Variants in CEP192 observed in about 807,000 individuals in gnomAD.
CEP192 encodes the protein centrosomal protein of 192 kDa.
CEP192 carries 151 observed loss-of-function variants against 271.8 expected under a neutral mutation model. That is an observed-to-expected ratio of 0.56 (90% CI 0.49 to 0.64). CEP192 has a LOEUF of 0.64. Among genes scored for constraint, CEP192 ranks in the 30% least tolerant of loss-of-function variants. The pLI, the probability that CEP192 is intolerant of heterozygous loss-of-function variation, is 0.00. For missense variants in CEP192, 2,910 were observed against 3,020.5 expected, an observed-to-expected ratio of 0.96 and a Z score of 0.86; for synonymous variants, 995 against 1,076.5, an observed-to-expected ratio of 0.92 and a Z score of 1.48.
intron 1 of CEP192, among the ~76,000 whole-genome samples, chr18:12,999,075 A>G (rs2033442537): frequency 6.6e-6 from 1 of 152,186 alleles, no homozygotes; most frequent in Admixed American, 6.5e-5. Flanking sequence ...TCATTTGTAT[A>G]TACCATCAGT....
chr18:13,087,297 T>A lies in CEP192; in HGVS notation c.5877+20T>A. ...CAAGAAGTAAGTACAAAAGTTTCTG[T>A]GCTAAAAACATCAACTCATTTTAAA... On this transcript the variant is annotated intron_variant, in intron 31 of 44. Coordinates refer to ENST00000506447, the MANE Select transcript of CEP192 (RefSeq NM_032142.4). 1 of 1,560,840 alleles carries A rather than the reference T, an allele frequency of 6.4e-7. No homozygotes were observed. Among genetic ancestry groups the A allele is most frequent in the South Asian group, 1.2e-5 (1 of 84,904 alleles).
At chr18:13,074,075 T>A (rs2038147482) in intron 30 of CEP192, among the ~76,000 whole-genome samples, 1 of 152,068 alleles carries the variant, frequency 6.6e-6, no homozygotes, top group East Asian at 1.9e-4. Context: ...AAACTCCAGC[T>A]ACATGGTTGT....
intron 2 of CEP192, among the ~76,000 whole-genome samples, chr18:12,999,822 C>A (rs9949682): frequency 2.0e-5 from 3 of 147,448 alleles, no homozygotes; most frequent in Non-Finnish European, 4.5e-5. Context: ...TTACCTATTT[C>A]GGTCTATTTT....
intron 42 of CEP192, among the ~76,000 whole-genome samples, chr18:13,115,574 G>A (rs2040392297): frequency 6.6e-6 from 1 of 151,906 alleles, no homozygotes; most frequent in South Asian, 2.1e-4. Context: ...AGGTGAGGAG[G>A]GGCTATTTTA....
At chr18:12,994,779 C>T (rs28551661) in intron 1 of CEP192, among the ~76,000 whole-genome samples, 55,250 of 151,868 alleles carry the variant, frequency 0.36, 10,293 homozygotes, top group Middle Eastern at 0.47. Context: ...TGTTTTCTAA[C>T]AATAGTTGTT....
intron 18 of CEP192, among the ~76,000 whole-genome samples, chr18:13,053,514 T>C (rs2036915215): frequency 1.3e-5 from 2 of 152,072 alleles, no homozygotes; most frequent in African/African-American, 4.8e-5. Context: ...AGTTGTAAGA[T>C]ACAAACTGCA....
chr18:13,018,683 A>G, intron 8 of CEP192, 68 bp downstream of exon 8: 1 of 1,105,442 alleles, frequency 9.0e-7, no homozygotes, highest in East Asian at 2.7e-5. Flanking sequence ...TTAAAAAAAA[A>G]ATATTTCTCT....
rs764300768 is a variant in CEP192 at position 13,114,250 on chromosome 18, G to A, written c.7288G>A (p.Glu2430Lys). 61 of 1,610,358 alleles carry A rather than the reference G, an allele frequency of 3.8e-5. No homozygotes were observed. Among genetic ancestry groups the A allele is most frequent in the Non-Finnish European group, 4.9e-5 (58 of 1,179,154 alleles). Residue 2430 changes from glutamate to lysine, a missense_variant and splice_region_variant, in exon 42 of 45, where the codon GAG (glutamate) becomes AAG (lysine). Coordinates refer to ENST00000506447, the MANE Select transcript of CEP192 (RefSeq NM_032142.4). ...AVSEASARIP[E>K]QLDVTARGVY... ...GTCAGAGGCTTCTGCTCGCATACCT[G>A]AGTATGTTGTTTTTGTCATTCTTAT...
intron 11 of CEP192, among the ~76,000 whole-genome samples, chr18:13,036,443 C>G (rs1446820311): frequency 3.3e-5 from 5 of 152,248 alleles, no homozygotes; most frequent in African/African-American, 9.6e-5. Context: ...TCACCATTCA[C>G]TTTTCTCCTT....
At position 13,053,049 on chromosome 18, in the gene CEP192, T is replaced by C; in HGVS notation, c.3148T>C (p.Tyr1050His). 3.1e-6 allele frequency: 5 copies of C among 1,613,632 alleles called. No individual in the cohort carries two copies. The highest frequency in any genetic ancestry group is 4.2e-6 in the Non-Finnish European group (5 of 1,179,664). Reference protein sequence around the residue: ...LTYVSEPESSYPTTATDDALE... With the variant: ...LTYVSEPESSHPTTATDDALE... ...GTATGTGTCTGAACCAGAGAGCTCCTATCCTACCACAGCCACAGATGATGC... is the reference window on the plus strand; with the variant it reads ...GTATGTGTCTGAACCAGAGAGCTCCCATCCTACCACAGCCACAGATGATGC... Residue 1050 changes from tyrosine to histidine, a missense_variant, in exon 18 of 45, where the codon TAT becomes CAT. By Grantham distance (83) the Tyr-to-His change is moderately conservative (BLOSUM62 2). Coordinates refer to ENST00000506447, the MANE Select transcript of CEP192 (RefSeq NM_032142.4).
chr18:13,087,045 G>C lies in CEP192; in HGVS notation c.5645G>C (p.Ser1882Thr). The C allele has an allele frequency of 1.9e-6, 3 of 1,612,202 alleles. No individual in the cohort carries two copies. Among genetic ancestry groups the C allele is most frequent in the Non-Finnish European group, 2.5e-6 (3 of 1,178,366 alleles). Residue 1882 changes from serine (S) to threonine (T), a missense_variant, in exon 31 of 45, where the codon AGC (serine) becomes ACC (threonine). Ser to Thr is a moderately conservative substitution (Grantham distance 58). Transcript: ENST00000506447. ...CCTTTGTCTGGATATGGAGGAACAA[G>C]CAATCTTATTTTGGAAGGCGTTAAA... The part of the protein sequence containing the change: ...TIPLSGYGGT[S>T]NLILEGVKKL...
chr18:13,102,827 TG>T (rs1165293262), intron 38 of CEP192, among the ~76,000 whole-genome samples: 4 of 152,206 alleles, frequency 2.6e-5, no homozygotes, highest in African/African-American at 9.6e-5. Flanking sequence ...GCCTGTAGCC[TG>T]TGACTCTCAT....
rs114768879 is a variant in CEP192 at position 13,121,871 on chromosome 18, C to T, written c.7476-2761C>T. ...GCCAAGGAATAGAGTTATCATTGAGCTGCAGTGACTTCTCACCCATGTGTG... is the reference window on the plus strand; with the variant it reads ...GCCAAGGAATAGAGTTATCATTGAGTTGCAGTGACTTCTCACCCATGTGTG... On this transcript the variant is annotated intron_variant, in intron 44 of 44. Coordinates refer to ENST00000506447, the MANE Select transcript of CEP192 (RefSeq NM_032142.4). Among the ~76,000 whole-genome samples the T allele has an allele frequency of 1.3e-3, 191 of 152,360 alleles. 1 individual carries two copies. Among genetic ancestry groups the T allele is most frequent in the African/African-American group, 4.4e-3 (181 of 41,592 alleles).
intron 18 of CEP192, 137 bp from the exon 19 acceptor site, chr18:13,055,643 T>G: frequency 1.7e-6 from 1 of 583,150 alleles, no homozygotes; most frequent in Admixed American, 3.6e-5. Context: ...AAGACTACTA[T>G]TTTTGTGTAA....
chr18:13,023,783 G>C (rs1390418788), intron 9 of CEP192, among the ~76,000 whole-genome samples: 2 of 152,066 alleles, frequency 1.3e-5, no homozygotes, highest in Admixed American at 6.5e-5. Flanking sequence ...TTCTGAAAAA[G>C]GTTGTAGAGA....
chr18:13,112,335 C>T (rs1378454456), intron 40 of CEP192, among the ~76,000 whole-genome samples: 1 of 152,088 alleles, frequency 6.6e-6, no homozygotes, highest in Non-Finnish European at 1.5e-5. Context: ...ATGGGTGAAC[C>T]TTGAAAACAT....
At chr18:13,017,801 A>G (rs189607517) in intron 7 of CEP192, among the ~76,000 whole-genome samples, 14 of 152,302 alleles carry the variant, frequency 9.2e-5, no homozygotes, top group South Asian at 8.3e-4. Context: ...CATTTACCCA[A>G]TAATCCCCAG....
intron 20 of CEP192, 22 bp downstream of exon 20, chr18:13,057,755 A>G (rs748551438): frequency 6.2e-7 from 1 of 1,608,506 alleles, no homozygotes; most frequent in Non-Finnish European, 8.5e-7. Flanking sequence ...TGTCTTTCTC[A>G]TTTAACCTAA....
At chr18:13,073,256 T>A in intron 30 of CEP192, 71 bp downstream of exon 30, 1 of 1,296,316 alleles carries the variant, frequency 7.7e-7, no homozygotes, top group Non-Finnish European at 1.1e-6. Context: ...TTTAATGTTG[T>A]AAATTATACA....
Sources: allele counts gnomAD v4.1 joint callset (sites outside exome capture counted in the v4.1 genomes callset), GRCh38; gene constraint gnomAD v4.1.1; transcripts MANE v1.5; gene names NCBI Gene and HGNC (gene_info 2026-07-23, HGNC 2026-07-21).